Variants in COL24A1 observed in about 807,000 individuals in gnomAD.
The protein encoded by COL24A1 is collagen alpha-1(XXIV) chain.
In COL24A1, 224 loss-of-function variants were observed where a neutral mutation model predicts 253.9. The observed-to-expected ratio is 0.88, with a 90% confidence interval of 0.79 to 0.99. COL24A1 has a LOEUF of 0.99. Ranked by LOEUF, COL24A1 falls within the 50% of genes least tolerant of loss-of-function variation. The pLI is 0.00. For synonymous variants in COL24A1, 685 were observed against 673.7 expected (o/e 1.02, Z -0.26); for missense variants, 2,131 against 2,068.5 (o/e 1.03, Z -0.59).
intron 24 of COL24A1, among the ~76,000 whole-genome samples, chr1:85,914,528 T>C (rs1193181672): frequency 6.6e-6 from 1 of 151,912 alleles, no homozygotes; most frequent in Non-Finnish European, 1.5e-5. Flanking sequence ...ATGGCTGGGA[T>C]TACAGGCGTG....
intron 10 of COL24A1, among the ~76,000 whole-genome samples, chr1:86,056,599 T>G (rs1271893625): frequency 6.6e-6 from 1 of 152,126 alleles, no homozygotes; most frequent in African/African-American, 2.4e-5. Context: ...CTCACTCCTG[T>G]AATCCCAGCA....
At chr1:86,075,090 A>G (rs1702154866) in intron 7 of COL24A1, among the ~76,000 whole-genome samples, 3 of 152,166 alleles carry the variant, frequency 2.0e-5, no homozygotes, top group African/African-American at 2.4e-5. Context: ...CAAAAAATCA[A>G]TGAATCTAGG....
intron 24 of COL24A1, among the ~76,000 whole-genome samples, chr1:85,939,610 G>A (rs1292374585): frequency 2.0e-5 from 3 of 152,088 alleles, no homozygotes; most frequent in Non-Finnish European, 4.4e-5. Context: ...CTGATGATTG[G>A]CTGGAGGAGA....
At position 85,734,593 on chromosome 1, in the gene COL24A1, C is replaced by A. The variant is rs560153940; in HGVS notation, c.4998+156G>T. Among the ~76,000 whole-genome samples, 75 of 152,274 alleles carry A rather than the reference C, an allele frequency of 4.9e-4. 2 individuals carry two copies. In the South Asian group the frequency reaches 0.015, roughly 30 times the overall value. ...GTATTATATAAACAAATGATTGATTCTAGAAAATGCAGTTACAAGTCAGGC... is the reference window on the plus strand; with the variant it reads ...GTATTATATAAACAAATGATTGATTATAGAAAATGCAGTTACAAGTCAGGC... On this transcript the variant is annotated intron_variant, in intron 59 of 59. Transcript: ENST00000370571.
chr1:85,792,153 T>C (rs1670338835), intron 47 of COL24A1, among the ~76,000 whole-genome samples: 1 of 152,142 alleles, frequency 6.6e-6, no homozygotes, highest in African/African-American at 2.4e-5. Context: ...TTTATATGAA[T>C]ATTTACAGAA....
At chr1:85,828,494 C>G (rs1325855156) in intron 43 of COL24A1, among the ~76,000 whole-genome samples, 1 of 151,136 alleles carries the variant, frequency 6.6e-6, no homozygotes, top group African/African-American at 2.4e-5. Flanking sequence ...CTTTCTGTCT[C>G]GTTGATCTGT....
At chr1:85,777,371 A>G (rs1668648969) in intron 52 of COL24A1, among the ~76,000 whole-genome samples, 1 of 152,140 alleles carries the variant, frequency 6.6e-6, no homozygotes, top group South Asian at 2.1e-4. Context: ...ATATTGACAA[A>G]TACATTTATG....
intron 32 of COL24A1, among the ~76,000 whole-genome samples, chr1:85,882,710 T>C (rs1255274197): frequency 6.6e-6 from 1 of 152,292 alleles, no homozygotes; most frequent in East Asian, 1.9e-4. Context: ...GGTGTTATTG[T>C]CTCCAACTAT....
At chr1:85,807,549 T>A (rs983283786) in intron 47 of COL24A1, among the ~76,000 whole-genome samples, 1 of 152,148 alleles carries the variant, frequency 6.6e-6, no homozygotes, top group African/African-American at 2.4e-5. Context: ...GACATAGGAA[T>A]TGAATATACC....
At chr1:85,873,617 T>C (rs1405027982) in intron 35 of COL24A1, among the ~76,000 whole-genome samples, 1 of 152,156 alleles carries the variant, frequency 6.6e-6, no homozygotes, top group African/African-American at 2.4e-5. Flanking sequence ...ATGTTCTCAC[T>C]TATAGGTGGG....
intron 37 of COL24A1, among the ~76,000 whole-genome samples, chr1:85,863,025 C>T (rs1679340341): frequency 6.6e-6 from 1 of 152,134 alleles, no homozygotes; most frequent in Non-Finnish European, 1.5e-5. Context: ...TTGAAGAGGT[C>T]CTTCACATCC....
At chr1:86,142,522 C>CAA (rs554778074) in intron 2 of COL24A1, among the ~76,000 whole-genome samples, 7,502 of 113,882 alleles carry the variant, frequency 0.066, 254 homozygotes, top group East Asian at 0.14. Context: ...GACACTGCCT[C>CAA]AAAAAAAAAA....
Position 86,022,313 on chromosome 1 carries a change from G to A in COL24A1, c.2203-20C>T. 3.8e-6 allele frequency: 6 copies of A among 1,599,830 alleles called. No homozygotes were observed. The highest frequency in any genetic ancestry group is 5.1e-6 in the Non-Finnish European group (6 of 1,167,638). On this transcript the variant is annotated intron_variant, in intron 17 of 59. Coordinates refer to ENST00000370571, the MANE Select transcript of COL24A1 (RefSeq NM_152890.7). Reference sequence around the variant, plus strand: ...AGCACCCTAAGAGAAGAGAATAACAGAAGAGAAAGTTATTATACCACAAAA... The same window carrying A: ...AGCACCCTAAGAGAAGAGAATAACAAAAGAGAAAGTTATTATACCACAAAA...
chr1:85,985,138 G>GT (rs375145750), intron 20 of COL24A1, among the ~76,000 whole-genome samples: 30 of 151,470 alleles, frequency 2.0e-4, no homozygotes, highest in South Asian at 6.2e-4. Flanking sequence ...TGCTTGATAG[G>GT]TTTTTTTTCA....
At chr1:85,985,750 G>C (rs978775138) in intron 20 of COL24A1, among the ~76,000 whole-genome samples, 10 of 151,782 alleles carry the variant, frequency 6.6e-5, no homozygotes, top group African/African-American at 2.2e-4. Context: ...TCATTGAAGA[G>C]TCAGGGGAGG....
intron 59 of COL24A1, among the ~76,000 whole-genome samples, chr1:85,732,884 T>C (rs903915788): frequency 5.3e-5 from 8 of 152,204 alleles, no homozygotes; most frequent in Non-Finnish European, 1.0e-4. Context: ...TTATTATCCC[T>C]ATTATTATTG....
intron 52 of COL24A1, among the ~76,000 whole-genome samples, chr1:85,778,741 A>T (rs1558090116): frequency 6.6e-6 from 1 of 151,116 alleles, no homozygotes; most frequent in Non-Finnish European, 1.5e-5. Context: ...GGTAGCTGGG[A>T]TTACTGGCAT....
At chr1:86,097,565 TCCCCCTCCTCCTCCCC>T (rs1704089444) in intron 5 of COL24A1, among the ~76,000 whole-genome samples, 1 of 4,236 alleles carries the variant, frequency 2.4e-4, no homozygotes. Flanking sequence ...TCCCTTCTCC[TCCCCCTCCTCCTCCCC>T]CCTCCTCCTC....
At chr1:85,853,761 ATG>A (rs1420952389) in intron 37 of COL24A1, among the ~76,000 whole-genome samples, 1 of 152,132 alleles carries the variant, frequency 6.6e-6, no homozygotes, top group Non-Finnish European at 1.5e-5. Flanking sequence ...GGCCAAATGT[ATG>A]TCTTTTTTTG....
Sources: allele counts gnomAD v4.1 joint callset (sites outside exome capture counted in the v4.1 genomes callset), GRCh38; gene constraint gnomAD v4.1.1; transcripts MANE v1.5; gene names NCBI Gene and HGNC (gene_info 2026-07-23, HGNC 2026-07-21).